Variants in TNRC6C observed in about 807,000 individuals in gnomAD.
TNRC6C encodes the protein trinucleotide repeat containing adaptor 6C.
TNRC6C carries 20 observed loss-of-function variants against 153.7 expected under a neutral mutation model. That is an observed-to-expected ratio of 0.13 (90% CI 0.09 to 0.19). The LOEUF (loss-of-function observed/expected upper bound fraction) is 0.19. TNRC6C is among the 10% of genes least tolerant of loss of function. The probability of loss-of-function intolerance (pLI) is 1.00; values close to 1 mark genes in which losing one functional copy is unlikely to be tolerated. For synonymous variants in TNRC6C, 811 were observed against 841.4 expected (o/e 0.96, Z 0.63); for missense variants, 1,987 against 2,172.0 (o/e 0.91, Z 1.69).
exon 3 of TNRC6C, chr17:78,051,196 G>A (rs1404348062): frequency 6.4e-7 from 1 of 1,573,932 alleles, no homozygotes; most frequent in Non-Finnish European, 8.6e-7. Context: ...TGGCTGGGAA[G>A]AACCCTCTCC....
intron 1 of TNRC6C, among the ~76,000 whole-genome samples, chr17:78,027,512 A>G (rs1263917028): frequency 6.6e-6 from 1 of 152,180 alleles, no homozygotes; most frequent in Non-Finnish European, 1.5e-5. Flanking sequence ...AAACAGAGAA[A>G]TACTTGTAAA....
chr17:78,108,435 G>C (rs1046100339), exon 20 of TNRC6C: 1 of 154,846 alleles, frequency 6.5e-6, no homozygotes, highest in Non-Finnish European at 1.5e-5. Context: ...TCAGCTCTGC[G>C]CGGCCGAGCC....
chr17:78,042,297 TGTG>T (rs1422669694), intron 2 of TNRC6C, among the ~76,000 whole-genome samples: 1 of 152,182 alleles, frequency 6.6e-6, no homozygotes, highest in Non-Finnish European at 1.5e-5. Context: ...AATAGAATGT[TGTG>T]GTGGGAAGAG....
At chr17:78,074,652 A>T (rs1233722530) in intron 7 of TNRC6C, among the ~76,000 whole-genome samples, 1 of 152,238 alleles carries the variant, frequency 6.6e-6, no homozygotes, top group East Asian at 1.9e-4. Flanking sequence ...ATACTTGCAG[A>T]TACAGGACTC....
chr17:78,013,657 G>C (rs2071675865), intron 1 of TNRC6C, among the ~76,000 whole-genome samples: 1 of 152,170 alleles, frequency 6.6e-6, no homozygotes, highest in African/African-American at 2.4e-5. Context: ...GATGGTGACT[G>C]TGTGACAGCA....
intron 7 of TNRC6C, among the ~76,000 whole-genome samples, chr17:78,074,502 G>A (rs1277857011): frequency 6.6e-6 from 1 of 152,234 alleles, no homozygotes; most frequent in Non-Finnish European, 1.5e-5. Context: ...AGCAGCGTGT[G>A]CTGCAAGAGG....
chr17:78,024,059 A>G (rs2071887085), intron 1 of TNRC6C, among the ~76,000 whole-genome samples: 1 of 152,134 alleles, frequency 6.6e-6, no homozygotes, highest in African/African-American at 2.4e-5. Flanking sequence ...GTGCCATTGC[A>G]CTCCAGCCTG....
chr17:78,024,669 T>C (rs2071901489), intron 1 of TNRC6C, among the ~76,000 whole-genome samples: 1 of 150,144 alleles, frequency 6.7e-6, no homozygotes, highest in Non-Finnish European at 1.5e-5. Context: ...CTGGCCTATT[T>C]AGAGCAGTTT....
intron 1 of TNRC6C, among the ~76,000 whole-genome samples, chr17:77,967,907 G>A (rs1160115634): frequency 6.6e-6 from 1 of 152,050 alleles, no homozygotes. Context: ...GGAAATAAGA[G>A]GATTTTTAAA....
intron 1 of TNRC6C, among the ~76,000 whole-genome samples, chr17:77,973,353 G>T (rs1365485970): frequency 6.6e-6 from 1 of 152,148 alleles, no homozygotes; most frequent in East Asian, 1.9e-4. Context: ...TTGATAAAAA[G>T]CACATATATG....
At position 78,094,361 on chromosome 17, in the gene TNRC6C, A is replaced by G. The variant is rs143043500; in HGVS notation, c.4306+598A>G. Reference sequence around the variant, plus strand: ...TACTATCACTAATAAGGCCACCTAGATAGTTCCCAAAACATTGAATTTCCC... The same window carrying G: ...TACTATCACTAATAAGGCCACCTAGGTAGTTCCCAAAACATTGAATTTCCC... On this transcript the variant is annotated intron_variant, in intron 16 of 19. Transcript: ENST00000301624. 9.5e-4 allele frequency among the ~76,000 whole-genome samples: 144 copies of G among 152,072 alleles called. 1 individual carries two copies. The highest frequency in any genetic ancestry group is 3.4e-3 in the African/African-American group (140 of 41,466).
At chr17:78,010,424 TATCA>T (rs553629916) in intron 1 of TNRC6C, among the ~76,000 whole-genome samples, 116 of 152,364 alleles carry the variant, frequency 7.6e-4, no homozygotes, top group Middle Eastern at 3.4e-3. Context: ...TAAAGTTTAA[TATCA>T]ATCAGAATGA....
At chr17:77,972,193 AG>A (rs2070945038) in intron 1 of TNRC6C, among the ~76,000 whole-genome samples, 1 of 152,168 alleles carries the variant, frequency 6.6e-6, no homozygotes, top group African/African-American at 2.4e-5. Flanking sequence ...AGAAAACTAG[AG>A]GAGACACAGG....
chr17:78,024,993 C>G (rs574003162), intron 1 of TNRC6C, among the ~76,000 whole-genome samples: 102 of 151,860 alleles, frequency 6.7e-4, no homozygotes, highest in African/African-American at 2.2e-3. Flanking sequence ...GGGGTTTCAC[C>G]ATGTTAGCCA....
At chr17:78,055,033 T>C (rs1392504355) in intron 3 of TNRC6C, among the ~76,000 whole-genome samples, 1 of 152,222 alleles carries the variant, frequency 6.6e-6, no homozygotes. Flanking sequence ...AGTTCAGCAC[T>C]GTACACCACT....
intron 13 of TNRC6C, among the ~76,000 whole-genome samples, chr17:78,089,225 C>G (rs1048531787): frequency 1.3e-5 from 2 of 152,148 alleles, no homozygotes; most frequent in African/African-American, 4.8e-5. Context: ...ACCTAAGCCT[C>G]CCAAAGTGTT....
chr17:77,960,192 T>C (rs1055865985), intron 1 of TNRC6C, among the ~76,000 whole-genome samples: 1 of 152,210 alleles, frequency 6.6e-6, no homozygotes, highest in Non-Finnish European at 1.5e-5. Flanking sequence ...GAAACCTCCA[T>C]TTGAGTGGTC....
chr17:78,034,351 C>A (rs752754338), intron 2 of TNRC6C, among the ~76,000 whole-genome samples: 6 of 152,156 alleles, frequency 3.9e-5, no homozygotes, highest in Non-Finnish European at 8.8e-5. Flanking sequence ...GCCACCACCC[C>A]CCAGCCTCCA....
chr17:78,018,024 G>C (rs1216346249), intron 1 of TNRC6C, among the ~76,000 whole-genome samples: 3 of 152,076 alleles, frequency 2.0e-5, no homozygotes, highest in African/African-American at 7.2e-5. Context: ...TTTTCTATTT[G>C]TGAAATCATT....
Sources: allele counts gnomAD v4.1 joint callset (sites outside exome capture counted in the v4.1 genomes callset), GRCh38; gene constraint gnomAD v4.1.1; transcripts MANE v1.5; gene names NCBI Gene and HGNC (gene_info 2026-07-23, HGNC 2026-07-21).